The following ENTREP2 variants were observed in gnomAD, a reference collection of about 807,000 sequenced individuals.
ENTREP2 encodes the protein endosomal transmembrane epsin interactor 2, also known as protein ENTREP2.
At chr15:29,434,849 T>TG in the ENTREP2 span, among the ~76,000 whole-genome samples, 4 of 152,052 alleles carry the variant, frequency 2.6e-5, no homozygotes, top group African/African-American at 9.7e-5. Context: ...CATTTCAAAA[T>TG]GGAATTTTGG....
At chr15:29,550,901 G>T in the ENTREP2 span, among the ~76,000 whole-genome samples, 1 of 152,054 alleles carries the variant, frequency 6.6e-6, no homozygotes, top group Non-Finnish European at 1.5e-5. Context: ...GGAGATTGAG[G>T]TCAAAGAGAG....
At chr15:29,418,042 T>C in the ENTREP2 span, among the ~76,000 whole-genome samples, 2 of 152,206 alleles carry the variant, frequency 1.3e-5, no homozygotes, top group Non-Finnish European at 2.9e-5. Context: ...ATTGAGGTCA[T>C]TTGTTCAGAA....
At chr15:29,254,838 C>T in the ENTREP2 span, among the ~76,000 whole-genome samples, 1 of 152,140 alleles carries the variant, frequency 6.6e-6, no homozygotes, top group Non-Finnish European at 1.5e-5. Context: ...AAGCGAGACT[C>T]CGTCAAAACA....
chr15:29,443,128 A>G, the ENTREP2 span, among the ~76,000 whole-genome samples: 3 of 152,218 alleles, frequency 2.0e-5, no homozygotes, highest in Admixed American at 2.0e-4. Flanking sequence ...GAACAGAGCA[A>G]CAGGTTTCTA....
the ENTREP2 span, among the ~76,000 whole-genome samples, chr15:29,619,784 C>T: frequency 1.6e-4 from 24 of 152,008 alleles, 1 homozygote; most frequent in African/African-American, 5.6e-4. Context: ...CTGATCTCAT[C>T]ACCAGGCTCA....
At chr15:29,635,889 G>A in the ENTREP2 span, among the ~76,000 whole-genome samples, 2 of 152,274 alleles carry the variant, frequency 1.3e-5, no homozygotes, top group East Asian at 3.9e-4. Flanking sequence ...GTCGATACTG[G>A]GACCTCTTGA....
At chr15:29,118,815 T>C in the ENTREP2 span, among the ~76,000 whole-genome samples, 1 of 152,176 alleles carries the variant, frequency 6.6e-6, no homozygotes, top group African/African-American at 2.4e-5. Context: ...TTACCTTTCT[T>C]CATGGCCACC....
the ENTREP2 span, among the ~76,000 whole-genome samples, chr15:29,138,584 T>C: frequency 6.6e-6 from 1 of 151,712 alleles, no homozygotes; most frequent in African/African-American, 2.4e-5. Flanking sequence ...CATGTGCATG[T>C]GTCTGTGTAT....
chr15:29,228,107 G>A, the ENTREP2 span, among the ~76,000 whole-genome samples: 1 of 152,040 alleles, frequency 6.6e-6, no homozygotes, highest in African/African-American at 2.4e-5. Context: ...TGAGGCGGGT[G>A]GATCAGTTTG....
the ENTREP2 span, among the ~76,000 whole-genome samples, chr15:29,486,418 C>T: frequency 6.6e-6 from 1 of 152,178 alleles, no homozygotes; most frequent in East Asian, 1.9e-4. Context: ...TGTCCGGGCA[C>T]AGTGGCGCAC....
the ENTREP2 span, among the ~76,000 whole-genome samples, chr15:29,302,245 A>G: frequency 6.6e-6 from 1 of 152,192 alleles, no homozygotes; most frequent in African/African-American, 2.4e-5. Context: ...AAAGCCATTT[A>G]AAAAATGCAT....
the ENTREP2 span, among the ~76,000 whole-genome samples, chr15:29,657,483 C>CGGGGCGGGGGGGGGGGGGGGG: frequency 1.4e-5 from 1 of 69,382 alleles, no homozygotes; most frequent in African/African-American, 6.0e-5. Flanking sequence ...GCTGGGGGGG[C>CGGGGCGGGGGGGGGGGGGGGG]GGGGGGGGGG....
At chr15:29,549,480 T>C in the ENTREP2 span, among the ~76,000 whole-genome samples, 54 of 152,128 alleles carry the variant, frequency 3.5e-4, 1 homozygote, top group East Asian at 8.9e-3. Context: ...CCGTGTTAGC[T>C]AGGATGGTCT....
At chr15:29,457,413 G>C in the ENTREP2 span, among the ~76,000 whole-genome samples, 5 of 152,358 alleles carry the variant, frequency 3.3e-5, 1 homozygote, top group African/African-American at 1.2e-4. Flanking sequence ...CAGCTCTCAG[G>C]AGAGCAACAT....
At chr15:29,648,210 G>A in the ENTREP2 span, among the ~76,000 whole-genome samples, 17 of 152,290 alleles carry the variant, frequency 1.1e-4, no homozygotes, top group Admixed American at 2.0e-4. Context: ...ACCAGAAACC[G>A]CTCCTGATTT....
At chr15:29,274,280 A>G in the ENTREP2 span, among the ~76,000 whole-genome samples, 4 of 152,144 alleles carry the variant, frequency 2.6e-5, no homozygotes, top group African/African-American at 9.7e-5. Flanking sequence ...TGCATTTATT[A>G]TGTTTCTCTT....
At chr15:29,217,327 A>T in the ENTREP2 span, among the ~76,000 whole-genome samples, 2 of 152,236 alleles carry the variant, frequency 1.3e-5, no homozygotes, top group Non-Finnish European at 2.9e-5. Flanking sequence ...GGAAGAGTCC[A>T]TTCAGATGGA....
At chr15:29,124,634 G>C in the ENTREP2 span, 5 of 1,475,772 alleles carry the variant, frequency 3.4e-6, no homozygotes, top group Non-Finnish European at 4.6e-6. Flanking sequence ...ACCAACACCC[G>C]CCCCACCTCC....
chr15:29,323,941 A>C, the ENTREP2 span, among the ~76,000 whole-genome samples: 1 of 152,190 alleles, frequency 6.6e-6, no homozygotes, highest in Non-Finnish European at 1.5e-5. Context: ...TGTAGAGTGA[A>C]AACTCTAGGG....
Sources: allele counts gnomAD v4.1 joint callset (sites outside exome capture counted in the v4.1 genomes callset), GRCh38; gene constraint gnomAD v4.1.1; transcripts MANE v1.5; gene names NCBI Gene and HGNC (gene_info 2026-07-23, HGNC 2026-07-21).